Variants in ADAM32 observed in about 807,000 individuals in gnomAD.
ADAM32 encodes the protein disintegrin and metalloproteinase domain-containing protein 32.
Under a neutral mutation model 114.9 loss-of-function variants are expected in ADAM32, and 89 were observed. The observed-to-expected ratio is 0.77, with a 90% CI of 0.65 to 0.92. ADAM32 has a LOEUF of 0.92. Ranked by LOEUF, ADAM32 falls within the 40% of genes least tolerant of loss-of-function variation. ADAM32 has a pLI of 0.00. For missense variants in ADAM32, 870 were observed against 932.8 expected (o/e 0.93, Z 0.88); for synonymous variants, 285 against 307.5 (o/e 0.93, Z 0.77).
At chr8:39,280,011 G>T (rs1813329007) in intron 22 of ADAM32, among the ~76,000 whole-genome samples, 1 of 152,198 alleles carries the variant, frequency 6.6e-6, no homozygotes, top group Admixed American at 6.5e-5. Context: ...ACTGCGTGGT[G>T]CAGGCCTGTG....
rs61753544 is a variant in ADAM32 at position 39,211,165 on chromosome 8, T to A, written c.1074T>A (p.Thr358=). The A allele has an allele frequency of 4.0e-3, 6,452 of 1,597,412 alleles. 19 individuals carry two copies. Among genetic ancestry groups the A allele is most frequent in the Non-Finnish European group, 5.1e-3 (6,027 of 1,173,166 alleles). Residue 358 remains threonine (T), a synonymous_variant, in exon 12 of 25, where the codon ACT becomes ACA. Transcript: ENST00000379907. ...TTAGGCAATCCAATGGTGTGAAGACTTTTAGCAGTTGCAGTTTGAGGAGCT... is the reference window on the plus strand; with the variant it reads ...TTAGGCAATCCAATGGTGTGAAGACATTTAGCAGTTGCAGTTTGAGGAGCT... ...PEVVQSNGVK[T]FSSCSLRSFQ...
chr8:39,126,043 C>T (rs1223984103), intron 2 of ADAM32, among the ~76,000 whole-genome samples: 2 of 152,158 alleles, frequency 1.3e-5, no homozygotes, highest in African/African-American at 2.4e-5. Context: ...GTACCAGTAA[C>T]ATGCTGTTTT....
intron 14 of ADAM32, chr8:39,224,194 T>G (rs1429801110): frequency 6.6e-6 from 1 of 152,192 alleles, no homozygotes; most frequent in Admixed American, 6.5e-5. Context: ...AGACACTGGT[T>G]GTTTCCAAAT....
At chr8:39,207,640 A>G (rs1202926613) in intron 11 of ADAM32, among the ~76,000 whole-genome samples, 1 of 152,212 alleles carries the variant, frequency 6.6e-6, no homozygotes, top group African/African-American at 2.4e-5. Context: ...TGTGTAATAA[A>G]ATACCAGAAC....
intron 6 of ADAM32, 127 bp downstream of exon 6, chr8:39,151,675 CT>C (rs11381154): frequency 6.3e-3 from 2,705 of 431,598 alleles, no homozygotes; most frequent in African/African-American, 0.012. Flanking sequence ...AACATCTTAT[CT>C]TTTTTTTTTT....
At chr8:39,178,845 C>T (rs1585468481) in intron 10 of ADAM32, among the ~76,000 whole-genome samples, 1 of 152,200 alleles carries the variant, frequency 6.6e-6, no homozygotes. Flanking sequence ...GTCTCTCCCA[C>T]ACCTGGAGGT....
chr8:39,163,540 A>C (rs1242792353), intron 7 of ADAM32, among the ~76,000 whole-genome samples: 1 of 152,238 alleles, frequency 6.6e-6, no homozygotes, highest in Non-Finnish European at 1.5e-5. Context: ...CAAGAATAAA[A>C]ATAAAGGAAC....
intron 16 of ADAM32, among the ~76,000 whole-genome samples, chr8:39,243,689 A>C (rs1810710897): frequency 6.6e-6 from 1 of 152,248 alleles, no homozygotes; most frequent in Non-Finnish European, 1.5e-5. Context: ...AATAGGGAAA[A>C]GTTGAAAGCA....
chr8:39,124,329 T>C lies in ADAM32; in HGVS notation c.138+6164T>C, dbSNP rs150844738. Among the ~76,000 whole-genome samples, 375 of 152,282 alleles carry C rather than the reference T, an allele frequency of 2.5e-3. 2 individuals carry two copies. The highest frequency in any genetic ancestry group is 8.6e-3 in the African/African-American group (358 of 41,558). ...CTGAGGATAATGGATTCCAACTCTA[T>C]CCATGTCTCTGCAAAGGACATGATC... On this transcript the variant is annotated intron_variant, in intron 2 of 24. Coordinates refer to ENST00000379907, the MANE Select transcript of ADAM32 (RefSeq NM_145004.7).
chr8:39,168,948 CAG>C (rs1227465658), intron 9 of ADAM32: 4 of 152,200 alleles, frequency 2.6e-5, no homozygotes, highest in Non-Finnish European at 4.4e-5. Flanking sequence ...GAGGGAGAAA[CAG>C]AGTAAACAAT....
intron 11 of ADAM32, among the ~76,000 whole-genome samples, chr8:39,196,501 A>T (rs923067255): frequency 6.6e-6 from 1 of 152,074 alleles, no homozygotes; most frequent in Non-Finnish European, 1.5e-5. Flanking sequence ...ATGCTGAGGT[A>T]CATTTTTTCT....
chr8:39,208,382 A>C (rs1807988369), intron 11 of ADAM32, among the ~76,000 whole-genome samples: 1 of 152,146 alleles, frequency 6.6e-6, no homozygotes, highest in Non-Finnish European at 1.5e-5. Context: ...TCTCTTAAAA[A>C]TTGTTGTAGT....
At chr8:39,107,616 T>A, upstream of ADAM32, 1 of 1,461,582 alleles carries the variant, frequency 6.8e-7, no homozygotes, top group Non-Finnish European at 9.0e-7. Context: ...GCCCTTCGTG[T>A]TCCGGACGCT....
At chr8:39,276,057 T>C (rs1813054581) in intron 22 of ADAM32, 191 bp downstream of exon 22, 2 of 460,768 alleles carry the variant, frequency 4.3e-6, no homozygotes, top group African/African-American at 2.0e-5. Flanking sequence ...GACAATATCT[T>C]CTTTCCTGCA....
At chr8:39,213,153 T>A (rs12114061) in intron 12 of ADAM32, among the ~76,000 whole-genome samples, 14,214 of 151,970 alleles carry the variant, frequency 0.094, 2,236 homozygotes, top group African/African-American at 0.32. Context: ...ATACTTATTA[T>A]TTTTTTTGTG....
chr8:39,234,048 C>T lies in ADAM32; in HGVS notation c.1784C>T (p.Ala595Val), dbSNP rs762447443. ...CCTCGAACAGTTCCAGATCCACTGGCTGTCAAAAATGGCTCTCAGTGTGAT... is the reference window on the plus strand; with the variant it reads ...CCTCGAACAGTTCCAGATCCACTGGTTGTCAAAAATGGCTCTCAGTGTGAT... ...KLPRTVPDPL[A>V]VKNGSQCDIG... Residue 595 changes from alanine to valine, a missense_variant, in exon 16 of 25, where the codon GCT (alanine) becomes GTT (valine). Transcript: ENST00000379907. 1.3e-6 allele frequency: 2 copies of T among 1,493,668 alleles called. No homozygotes were observed. Among genetic ancestry groups the T allele is most frequent in the Non-Finnish European group, 1.8e-6 (2 of 1,118,238 alleles). The allele number at this position is 1,493,668 out of a possible 1,614,324, so 92.5% of individuals were successfully genotyped here. A position where few individuals can be genotyped will look rare whatever the true frequency, so the allele number is the denominator to read the frequency against.
At chr8:39,267,546 AC>A (rs752661354) in intron 19 of ADAM32, among the ~76,000 whole-genome samples, 3 of 152,150 alleles carry the variant, frequency 2.0e-5, no homozygotes, top group Non-Finnish European at 2.9e-5. Context: ...GCTGTTGTGA[AC>A]CGCTGGAAAC....
intron 22 of ADAM32, 102 bp downstream of exon 22, chr8:39,275,968 T>A: frequency 9.2e-7 from 1 of 1,090,254 alleles, no homozygotes; most frequent in Non-Finnish European, 1.3e-6. Context: ...ATTAACTGAG[T>A]AGCCACAATT....
At chr8:39,223,903 C>G (rs1318234908) in intron 14 of ADAM32, 2 of 152,082 alleles carry the variant, frequency 1.3e-5, no homozygotes, top group East Asian at 3.8e-4. Context: ...TTATTTACCT[C>G]TCTGTATCTA....
Sources: allele counts gnomAD v4.1 joint callset (sites outside exome capture counted in the v4.1 genomes callset), GRCh38; gene constraint gnomAD v4.1.1; transcripts MANE v1.5; gene names NCBI Gene and HGNC (gene_info 2026-07-23, HGNC 2026-07-21).